Variants in LBHD1 observed in about 807,000 individuals in gnomAD.
LBHD1 encodes the protein LBH domain containing 1.
In LBHD1, 28 loss-of-function variants were observed where a neutral mutation model predicts 31.1. The ratio of observed to expected loss-of-function variants is 0.90; its 90% CI spans 0.67 to 1.24. LBHD1 has a LOEUF of 1.24. Ranked by LOEUF, LBHD1 falls within the 50% of genes most tolerant of loss-of-function variation. The pLI is 0.00. For missense variants in LBHD1, 350 were observed against 323.0 expected (o/e 1.08, Z -0.64); for synonymous variants, 105 against 116.5 (o/e 0.90, Z 0.63).
In LBHD1 at chr11:62,672,119, G is replaced by T. The variant is rs771786748; in HGVS notation, c.-566C>A. 2 of 1,567,770 alleles carry T rather than the reference G, an allele frequency of 1.3e-6. No homozygotes were observed. Among genetic ancestry groups the T allele is most frequent in the South Asian group, 1.2e-5 (1 of 86,354 alleles). ...GCCGGCGGGAGGTCACCGTGAGACC[G>T]GACTTGCCTCCGTGGGCGCCGGACC... is the stretch of plus-strand genomic sequence containing the variant. On this transcript the variant is annotated 5_prime_UTR_variant, in exon 1 of 7. Transcript: ENST00000354588.
chr11:62,665,543 G>A (rs1397163379), intron 4 of LBHD1: 1 of 1,570,062 alleles, frequency 6.4e-7, no homozygotes, highest in Non-Finnish European at 8.6e-7. Flanking sequence ...CCCATCCGCT[G>A]GTTCTATCCT....
At position 62,671,657 on chromosome 11, in the gene LBHD1, G is replaced by T; in HGVS notation, c.-104C>A. 3 of 1,565,676 alleles carry T rather than the reference G, an allele frequency of 1.9e-6. No individual in the cohort carries two copies. Among genetic ancestry groups the T allele is most frequent in the Non-Finnish European group, 1.7e-6 (2 of 1,157,908 alleles). On this transcript the variant is annotated 5_prime_UTR_variant, in exon 1 of 7. Coordinates refer to ENST00000354588, the MANE Select transcript of LBHD1 (RefSeq NM_024099.5). ...ATGGTTTCTGCTATAGGGCGCTCTA[G>T]CCTGCGCCAAGGGGTAGTGAGACCG...
chr11:62,664,923 C>G lies in LBHD1; in HGVS notation c.589G>C (p.Ala197Pro), dbSNP rs762031860. Residue 197 changes from alanine (A) to proline (P), a missense_variant, in exon 5 of 7, where the codon GCG becomes CCG. Coordinates refer to ENST00000354588, the MANE Select transcript of LBHD1 (RefSeq NM_024099.5). ...QTPAGVESGA[A>P]SEAPGGRGCD... is the part of the protein sequence containing the mutation. ...CCCCGACCACCCGGTGCCTCAGACG[C>G]CGCTCCCGATTCAACACCCGCCGGC... 3 of 1,604,794 alleles carry G rather than the reference C, an allele frequency of 1.9e-6. No homozygotes were observed. The East Asian group carries it at 6.7e-5, about 36-fold the overall frequency.
Position 62,669,819 on chromosome 11 carries a change from A to C in LBHD1, c.151-16T>G. ...GAGAGAAATCCTGAATAGGGACAGC[A>C]GGGAGGTTGGGCCAAACTGGAGGGT... On this transcript the variant is annotated splice_polypyrimidine_tract_variant and intron_variant, in intron 2 of 6. Transcript: ENST00000354588. The C allele has an allele frequency of 6.2e-7, 1 of 1,614,244 alleles. No individual in the cohort carries two copies. Among genetic ancestry groups the C allele is most frequent in the South Asian group, 1.1e-5 (1 of 91,092 alleles).
rs188883781 is a variant in LBHD1 at position 62,666,463 on chromosome 11, G to A, written c.538+1060C>T. The A allele has an allele frequency of 2.4e-4, 380 of 1,613,680 alleles. 2 individuals carry two copies. In the African/African-American group the frequency reaches 4.1e-3, roughly 17 times the overall value. ...ATCGGCTGCATGCCCAGCCTCGTTTGGGCACTGTCCCCACCTTCGACTGGT... is the reference window on the plus strand; with the variant it reads ...ATCGGCTGCATGCCCAGCCTCGTTTAGGCACTGTCCCCACCTTCGACTGGT... On this transcript the variant is annotated intron_variant, in intron 4 of 6. Coordinates refer to ENST00000354588, the MANE Select transcript of LBHD1 (RefSeq NM_024099.5).
At chr11:62,665,729 T>G in intron 4 of LBHD1, 5 of 1,465,274 alleles carry the variant, frequency 3.4e-6, no homozygotes, top group Non-Finnish European at 4.5e-6. Context: ...TCCGCGTTCT[T>G]TTTTCCGGGA....
At position 62,672,087 on chromosome 11, in the gene LBHD1, AGGCGGCGCC is replaced by A; in HGVS notation, c.-543_-535del. ...GGAAGAACTGGATGGTTGGCGGCGA[AGGCGGCGCC>A]GGCGGGAGGTCACCGTGAGACCGGA... On this transcript the variant is annotated 5_prime_UTR_variant, in exon 1 of 7. Coordinates refer to ENST00000354588, the MANE Select transcript of LBHD1 (RefSeq NM_024099.5). 6.3e-7 allele frequency: 1 copy of A among 1,596,434 alleles called. No homozygotes were observed. Among genetic ancestry groups the A allele is most frequent in the Non-Finnish European group, 8.5e-7 (1 of 1,172,002 alleles).
rs147417733 is a variant in LBHD1 at position 62,668,035 on chromosome 11, T to C, written c.314-288A>G. On this transcript the variant is annotated intron_variant, in intron 3 of 6. Coordinates refer to ENST00000354588, the MANE Select transcript of LBHD1 (RefSeq NM_024099.5). ...AATGGGCCATGATAAGCTGCTGCAC[T>C]TGAGCTAAAAATTAATTTCTGTGGT... 7.9e-3 allele frequency: 2,295 copies of C among 291,774 alleles called. 11 individuals are homozygous for C. The highest frequency in any genetic ancestry group is 0.012 in the Non-Finnish European group (1,930 of 155,732). The allele number at this position is 291,774 out of a possible 1,614,324, so 18.1% of individuals were successfully genotyped here. A position where few individuals can be genotyped will look rare whatever the true frequency, so the allele number is the denominator to read the frequency against.
chr11:62,666,482 G>A (rs1422845975), intron 4 of LBHD1: 10 of 1,613,836 alleles, frequency 6.2e-6, no homozygotes, highest in Non-Finnish European at 8.5e-6. Context: ...CCCCACCTTC[G>A]ACTGGTTCTT....
Position 62,664,848 on chromosome 11 carries a change from C to A in LBHD1, c.663+1G>T, listed in dbSNP as rs763180637. 1 of 1,564,466 alleles carries A rather than the reference C, an allele frequency of 6.4e-7. No homozygotes were observed. ...CAACAGGAAGAGGGTCTAGTACTTA[C>A]GCCCGCTTCTTGAGGTGGTGCCGCG... On this transcript the variant is annotated splice_donor_variant, in intron 5 of 6. Coordinates refer to ENST00000354588, the MANE Select transcript of LBHD1 (RefSeq NM_024099.5). LOFTEE classifies it high-confidence loss of function.
chr11:62,666,467 A>C (rs1239186309), intron 4 of LBHD1: 1 of 1,613,742 alleles, frequency 6.2e-7, no homozygotes, highest in East Asian at 2.2e-5. Flanking sequence ...TCGTTTGGGC[A>C]CTGTCCCCAC....
chr11:62,667,826 C>T (rs1944860434), intron 3 of LBHD1, 79 bp from the exon 4 acceptor site: 1 of 1,031,708 alleles, frequency 9.7e-7, no homozygotes, highest in Admixed American at 2.0e-5. Context: ...CATGCTGGCT[C>T]ATACCTATAA....
chr11:62,666,404 G>A (rs1430207621), intron 4 of LBHD1: 2 of 1,609,484 alleles, frequency 1.2e-6, no homozygotes, highest in South Asian at 1.1e-5. Context: ...AGGCTCACTG[G>A]CTGATAGTTG....
rs1478724728 is a variant in LBHD1 at position 62,667,696 on chromosome 11, G to A, written c.365C>T (p.Ala122Val). 3 of 1,614,152 alleles carry A rather than the reference G, an allele frequency of 1.9e-6. No homozygotes were observed. Among genetic ancestry groups the A allele is most frequent in the South Asian group, 1.1e-5 (1 of 91,086 alleles). The part of the protein sequence containing the change: ...DPRSPLRTFN[A>V]GLSWGQDQDE... ...CTGGTCCTGCCCCCAGCTGAGTCCA[G>A]CGTTAAATGTTCTTAAAGGACTTCT... The change falls in exon 4 of 7, where the codon GCT (alanine) becomes GTT (valine). Residue 122 changes from alanine to valine, a missense_variant. Coordinates refer to ENST00000354588, the MANE Select transcript of LBHD1 (RefSeq NM_024099.5).
chr11:62,666,044 G>T lies in LBHD1; in HGVS notation c.539-1071C>A, dbSNP rs781211989. 1.8e-5 allele frequency: 24 copies of T among 1,357,344 alleles called. No homozygotes were observed. The East Asian group carries it at 4.7e-4, about 27-fold the overall frequency. 84.1% of individuals were successfully genotyped at this position (1,357,344 alleles called of 1,614,324 possible). A position where few individuals can be genotyped will look rare whatever the true frequency, so the allele number is the denominator to read the frequency against. ...AGTCAGGAGTGTAGTCCCTGAAATTGTGATTCTCAAACCCTACGGTGGGCC... is the reference window on the plus strand; with the variant it reads ...AGTCAGGAGTGTAGTCCCTGAAATTTTGATTCTCAAACCCTACGGTGGGCC... On this transcript the variant is annotated intron_variant, in intron 4 of 6. Transcript: ENST00000354588.
intron 4 of LBHD1, chr11:62,665,503 T>A: frequency 1.3e-6 from 2 of 1,572,932 alleles, no homozygotes; most frequent in Non-Finnish European, 1.7e-6. Flanking sequence ...TCTGGCCCCC[T>A]CGGCGTCATG....
intron 4 of LBHD1, chr11:62,666,362 T>A (rs112253711): frequency 6.2e-7 from 1 of 1,600,912 alleles, no homozygotes; most frequent in Non-Finnish European, 8.5e-7. Context: ...AGTGGCGACA[T>A]AGACCAAGTG....
At chr11:62,664,723 G>T in intron 5 of LBHD1, 126 bp downstream of exon 5, 2 of 1,272,764 alleles carry the variant, frequency 1.6e-6, no homozygotes, top group Non-Finnish European at 2.2e-6. Flanking sequence ...ACTAACAGCC[G>T]ACAGACATTC....
chr11:62,666,273 G>C (rs1477172886), intron 4 of LBHD1: 2 of 994,726 alleles, frequency 2.0e-6, no homozygotes, highest in South Asian at 2.7e-5. Context: ...TTGTGCTACT[G>C]TACTCAACCC....
Sources: allele counts gnomAD v4.1 joint callset, GRCh38; gene constraint gnomAD v4.1.1; transcripts MANE v1.5; gene names NCBI Gene and HGNC (gene_info 2026-07-23, HGNC 2026-07-21).